The following CYP2E1 variants were observed in gnomAD, a reference collection of about 807,000 sequenced individuals.
CYP2E1 encodes cytochrome P450 family 2 subfamily E member 1.
A neutral mutation model predicts 42.9 loss-of-function variants in CYP2E1; 31 were observed. The ratio of observed to expected loss-of-function variants is 0.72; its 90% CI spans 0.54 to 0.98. The LOEUF (loss-of-function observed/expected upper bound fraction) is 0.98, where lower values mean the gene tolerates loss of function less well. CYP2E1 is among the 50% of genes least tolerant of loss of function. CYP2E1 has a pLI of 0.00. For missense variants in CYP2E1, 565 were observed against 633.2 expected (o/e 0.89, Z 1.16); for synonymous variants, 244 against 248.9 (o/e 0.98, Z 0.19).
intron 8 of CYP2E1, 103 bp downstream of exon 8, chr10:133,537,995 C>G: frequency 8.8e-7 from 1 of 1,141,368 alleles, no homozygotes; most frequent in Non-Finnish European, 1.2e-6. Flanking sequence ...CACTGACACC[C>G]CAAACCTCAC....
At chr10:133,527,645 T>C in intron 1 of CYP2E1, 73 bp downstream of exon 1, 1 of 1,265,558 alleles carries the variant, frequency 7.9e-7, no homozygotes, top group Non-Finnish European at 1.1e-6. Flanking sequence ...TTCAACTCAT[T>C]TGCAGACAAA....
At chr10:133,530,403 C>G (rs1292499612) in intron 2 of CYP2E1, among the ~76,000 whole-genome samples, 1 of 152,164 alleles carries the variant, frequency 6.6e-6, no homozygotes, top group African/African-American at 2.4e-5. Context: ...GCCCCTCTGT[C>G]CCACCTGTCT....
chr10:133,537,282 A>G lies in CYP2E1; in HGVS notation c.1155+32A>G, dbSNP rs748726996. The G allele has an allele frequency of 4.4e-6, 7 of 1,600,158 alleles. No individual in the cohort carries two copies. The South Asian group carries it at 7.8e-5, about 18-fold the overall frequency. On this transcript the variant is annotated intron_variant, in intron 7 of 8. Transcript: ENST00000252945. ...CAATGAGCCTGCAGCACACAGCATG[A>G]ACACCATCCTATCAGCTAATCGCCT...
rs1331106254 is a variant in CYP2E1 at position 133,538,961 on chromosome 10, A to G, written c.1479A>G (p.Ser493=). 6.2e-7 allele frequency: 1 copy of G among 1,609,980 alleles called. No homozygotes were observed. The highest frequency in any genetic ancestry group is 8.5e-7 in the Non-Finnish European group (1 of 1,177,266). Residue 493 remains serine (S), a synonymous_variant, in exon 9 of 9, where the codon TCA becomes TCG. Transcript: ENST00000252945. ...ACAAACTCTGTGTCATTCCCCGCTC[A>G]TGAGTGTGTGGAGGACACCCTGAAC... ...PRYKLCVIPR[S]
At chr10:133,537,383 ACTCCCACCCT>A in intron 7 of CYP2E1, 133 bp downstream of exon 7, 1 of 856,094 alleles carries the variant, frequency 1.2e-6, no homozygotes, top group Non-Finnish European at 1.8e-6. Context: ...GGCTGGCCCC[ACTCCCACCCT>A]GTGGGATACT....
chr10:133,539,023 T>C lies in CYP2E1; in HGVS notation c.*59T>C. The C allele has an allele frequency of 7.3e-7, 1 of 1,374,610 alleles. No individual in the cohort carries two copies. Among genetic ancestry groups the C allele is most frequent in the Non-Finnish European group, 9.9e-7 (1 of 1,011,196 alleles). 85.2% of individuals were successfully genotyped at this position (1,374,610 alleles called of 1,614,324 possible). On this transcript the variant is annotated 3_prime_UTR_variant, in exon 9 of 9. Coordinates refer to ENST00000252945, the MANE Select transcript of CYP2E1 (RefSeq NM_000773.4). ...AAACAAGTTTTCAAATTGTTTGAGG[T>C]CAGGATTTCTCAAACTGATTCCTTT...
chr10:133,537,110 C>T lies in CYP2E1; in HGVS notation c.1015C>T (p.Pro339Ser), dbSNP rs1851415336. 1 of 1,613,822 alleles carries T rather than the reference C, an allele frequency of 6.2e-7. No homozygotes were observed. ...IDRVIGPSRI[P>S]AIKDRQEMPY... ...CAGGGTGATTGGGCCAAGCCGAATC[C>T]CTGCCATCAAGGATAGGCAAGAGAT... Residue 339 changes from proline to serine, a missense_variant, in exon 7 of 9, where the codon CCT (proline) becomes TCT (serine). Physicochemically the swap from Pro to Ser is moderately conservative, Grantham distance 74. Coordinates refer to ENST00000252945, the MANE Select transcript of CYP2E1 (RefSeq NM_000773.4).
chr10:133,537,455 T>C (rs1276904575), intron 7 of CYP2E1: 1 of 616,474 alleles, frequency 1.6e-6, no homozygotes, highest in African/African-American at 1.8e-5. Context: ...GTGGAGGAAA[T>C]CTGGAAAAGA....
chr10:133,529,304 T>G (rs1239129727), intron 2 of CYP2E1, among the ~76,000 whole-genome samples: 1 of 152,210 alleles, frequency 6.6e-6, no homozygotes, highest in Admixed American at 6.5e-5. Context: ...CTCGTCTTTA[T>G]CTGCGCATTC....
In CYP2E1 at chr10:133,533,774, C is replaced by A. The variant is rs375149895; in HGVS notation, c.844C>A (p.Arg282Ser). 10 of 1,614,142 alleles carry A rather than the reference C, an allele frequency of 6.2e-6. No individual in the cohort carries two copies. Among genetic ancestry groups the A allele is most frequent in the Non-Finnish European group, 8.5e-6 (10 of 1,180,020 alleles). The change falls in exon 6 of 9, where the codon CGC becomes AGC. Residue 282 changes from arginine to serine, a missense_variant. Coordinates refer to ENST00000252945, the MANE Select transcript of CYP2E1 (RefSeq NM_000773.4). ...EMEKEKHSAERLYTMDGITVT... is the reference protein window; with the variant it reads ...EMEKEKHSAESLYTMDGITVT... ...ATCACAGGAAAAGCACAGTGCAGAGCGCTTGTACACAATGGACGGTATCAC... is the reference window on the plus strand; with the variant it reads ...ATCACAGGAAAAGCACAGTGCAGAGAGCTTGTACACAATGGACGGTATCAC...
At position 133,527,572 on chromosome 10, in the gene CYP2E1, G is replaced by A. The variant is rs1214982554; in HGVS notation, c.177G>A (p.Arg59=). 4 of 1,606,996 alleles carry A rather than the reference G, an allele frequency of 2.5e-6. No homozygotes were observed. The highest frequency in any genetic ancestry group is 3.4e-6 in the Non-Finnish European group (4 of 1,175,034). The change falls in exon 1 of 9, where the codon CGG becomes CGA. Residue 59 remains arginine, a splice_region_variant and synonymous_variant. Coordinates refer to ENST00000252945, the MANE Select transcript of CYP2E1 (RefSeq NM_000773.4). ...ELKNIPKSFT[R]LAQRFGPVFT... is the part of the protein sequence containing the mutation. ...AGAATATTCCCAAGTCCTTCACCCG[G>A]GTAAGAGAAATAGTGTTGATTTTAG...
rs1851297163 is a variant in CYP2E1 at position 133,528,429 on chromosome 10, C to A, written c.178-52C>A. 4 of 1,602,828 alleles carry A rather than the reference C, an allele frequency of 2.5e-6. No homozygotes were observed. In the South Asian group the frequency reaches 3.3e-5, roughly 13 times the overall value. On this transcript the variant is annotated intron_variant, in intron 1 of 8. Coordinates refer to ENST00000252945, the MANE Select transcript of CYP2E1 (RefSeq NM_000773.4). ...CCGGCAGGGGTGTGGCTTAGAGCCCCGCACCTCCTCGCCGCGCGGCGGGCC... is the reference window on the plus strand; with the variant it reads ...CCGGCAGGGGTGTGGCTTAGAGCCCAGCACCTCCTCGCCGCGCGGCGGGCC...
chr10:133,536,011 T>TA (rs746315571), intron 6 of CYP2E1, among the ~76,000 whole-genome samples: 1 of 152,194 alleles, frequency 6.6e-6, no homozygotes, highest in Non-Finnish European at 1.5e-5. Flanking sequence ...AGGCAGCTGT[T>TA]ACCTCTGTCA....
chr10:133,532,770 A>C lies in CYP2E1; in HGVS notation c.727A>C (p.Lys243Gln). The C allele has an allele frequency of 6.2e-7, 1 of 1,613,614 alleles. No individual in the cohort carries two copies. Among genetic ancestry groups the C allele is most frequent in the Non-Finnish European group, 8.5e-7 (1 of 1,179,788 alleles). ...AGTCATAAAAAATGTGGCTGAAGTA[A>C]AAGAGTATGTGTCTGAAAGGGTGAA... is the stretch of plus-strand genomic sequence containing the variant. ...RKVIKNVAEV[K>Q]EYVSERVKEH... The change falls in exon 5 of 9, where the codon AAA becomes CAA. Residue 243 changes from lysine to glutamine, a missense_variant. Coordinates refer to ENST00000252945, the MANE Select transcript of CYP2E1 (RefSeq NM_000773.4).
chr10:133,527,829 C>A (rs1324980965), intron 1 of CYP2E1, among the ~76,000 whole-genome samples: 1 of 152,178 alleles, frequency 6.6e-6, no homozygotes, highest in African/African-American at 2.4e-5. Context: ...CCGGCGAGGC[C>A]GGGCTGCTGC....
At chr10:133,532,346 A>C (rs1405354807) in intron 4 of CYP2E1, 62 bp downstream of exon 4, 73 of 1,536,178 alleles carry the variant, frequency 4.8e-5, no homozygotes, top group Non-Finnish European at 6.4e-5. Flanking sequence ...AAAAAGAAGG[A>C]AAATTTGGGT....
intron 7 of CYP2E1, 143 bp downstream of exon 7, chr10:133,537,393 T>G: frequency 3.9e-6 from 3 of 764,848 alleles, no homozygotes; most frequent in African/African-American, 1.7e-5. Flanking sequence ...ACTCCCACCC[T>G]GTGGGATACT....
rs60207639 is a variant in CYP2E1 at position 133,537,776 on chromosome 10, A to G, written c.1181A>G (p.Asp394Gly). Residue 394 changes from aspartate (D) to glycine (G), a missense_variant, in exon 8 of 9, where the codon GAC (aspartate) becomes GGC (glycine). Transcript: ENST00000252945. Reference protein sequence around the residue: ...PKGTVVVPTLDSVLYDNQEFP... With the variant: ...PKGTVVVPTLGSVLYDNQEFP... ...GGCACAGTCGTAGTGCCAACTCTGG[A>G]CTCTGTTTTGTATGACAACCAAGAA... 525 of 1,613,782 alleles carry G rather than the reference A, an allele frequency of 3.3e-4. 8 individuals are homozygous for G. The highest frequency in any genetic ancestry group is 3.0e-4 in the Non-Finnish European group (356 of 1,179,872).
chr10:133,530,879 G>C (rs1455621363), intron 2 of CYP2E1, among the ~76,000 whole-genome samples: 2 of 152,158 alleles, frequency 1.3e-5, no homozygotes, highest in African/African-American at 4.8e-5. Flanking sequence ...TGAGATAAGC[G>C]TGGGAATATG....
Sources: gnomAD v4.1 joint callset for allele counts (sites outside exome capture counted in the v4.1 genomes callset) on GRCh38, gnomAD v4.1.1 for gene constraint, MANE v1.5 for transcripts, NCBI Gene and HGNC (gene_info 2026-07-23, HGNC 2026-07-21) for gene names.